Variants in MALRD1 observed in about 807,000 individuals in gnomAD.
MALRD1 encodes MAM and LDL-receptor class A domain-containing protein 1.
A neutral mutation model predicts 242.1 loss-of-function variants in MALRD1; 247 were observed. The observed-to-expected ratio is 1.02, with a 90% CI of 0.92 to 1.13. The LOEUF (loss-of-function observed/expected upper bound fraction) is 1.13, where lower values mean the gene tolerates loss of function less well. MALRD1 is among the 50% of genes most tolerant of loss of function. MALRD1 has a pLI of 0.00. For synonymous variants in MALRD1, 995 were observed against 866.6 expected, an observed-to-expected ratio of 1.15 and a Z score of -2.60; for missense variants, 2,989 against 2,533.1, an observed-to-expected ratio of 1.18 and a Z score of -3.86.
chr10:19,387,514 T>G lies in MALRD1; in HGVS notation c.4442-14T>G. The G allele has an allele frequency of 6.5e-7, 1 of 1,547,412 alleles. No individual in the cohort carries two copies. Among genetic ancestry groups the G allele is most frequent in the Non-Finnish European group, 8.7e-7 (1 of 1,145,620 alleles). On this transcript the variant is annotated splice_polypyrimidine_tract_variant and intron_variant, in intron 26 of 39. Coordinates refer to ENST00000454679, the MANE Select transcript of MALRD1 (RefSeq NM_001142308.3). Reference sequence around the variant, plus strand: ...AGTGTTCGCTCATTCTTGTTTTCTTTTGTTTTGTTTTAGGTTTCTGCCCAC... The same window carrying G: ...AGTGTTCGCTCATTCTTGTTTTCTTGTGTTTTGTTTTAGGTTTCTGCCCAC...
chr10:19,175,988 G>T lies in MALRD1; in HGVS notation c.1951+660G>T, dbSNP rs1190016428. 2.6e-5 allele frequency among the ~76,000 whole-genome samples: 4 copies of T among 152,126 alleles called. No individual in the cohort carries two copies. The East Asian group carries it at 7.7e-4, about 29-fold the overall frequency. ...TTCTGGGATCATGTACACATTGAAAGAATGTACACTATACCTTCAGTTACT... is the reference window on the plus strand; with the variant it reads ...TTCTGGGATCATGTACACATTGAAATAATGTACACTATACCTTCAGTTACT... On this transcript the variant is annotated intron_variant, in intron 14 of 39. Coordinates refer to ENST00000454679, the MANE Select transcript of MALRD1 (RefSeq NM_001142308.3).
chr10:19,586,824 C>G (rs1837436949), intron 33 of MALRD1, among the ~76,000 whole-genome samples: 1 of 152,240 alleles, frequency 6.6e-6, no homozygotes, highest in African/African-American at 2.4e-5. Context: ...CCTCCCCCAG[C>G]CTCGCTGCCG....
intron 21 of MALRD1, among the ~76,000 whole-genome samples, chr10:19,291,166 T>G (rs937527276): frequency 1.3e-5 from 2 of 152,174 alleles, no homozygotes; most frequent in African/African-American, 2.4e-5. Context: ...CTTTTTTTAG[T>G]ATAAAATTAT....
intron 31 of MALRD1, among the ~76,000 whole-genome samples, chr10:19,530,465 A>AAC (rs1375421718): frequency 1.1e-5 from 1 of 89,540 alleles, no homozygotes; most frequent in African/African-American, 4.3e-5. Flanking sequence ...ATATAATAAT[A>AAC]AATAATTATA....
intron 38 of MALRD1, among the ~76,000 whole-genome samples, chr10:19,715,473 T>C (rs569909147): frequency 8.5e-5 from 13 of 152,052 alleles, no homozygotes; most frequent in Admixed American, 7.9e-4. Context: ...GGTATCACAT[T>C]TGTTGAAGAA....
intron 13 of MALRD1, among the ~76,000 whole-genome samples, chr10:19,173,443 G>T (rs1036895541): frequency 1.3e-5 from 2 of 152,080 alleles, no homozygotes; most frequent in African/African-American, 4.8e-5. Context: ...ATACCTTTGA[G>T]TGTCTCTCTA....
At chr10:19,610,306 A>G (rs1317334314) in intron 35 of MALRD1, among the ~76,000 whole-genome samples, 1 of 151,908 alleles carries the variant, frequency 6.6e-6, no homozygotes, top group Non-Finnish European at 1.5e-5. Context: ...GTGCAGTAGA[A>G]CACCAAAACT....
intron 31 of MALRD1, among the ~76,000 whole-genome samples, chr10:19,499,409 A>G (rs1019477570): frequency 2.6e-5 from 4 of 151,792 alleles, no homozygotes; most frequent in African/African-American, 9.7e-5. Context: ...TGCCCTTCAT[A>G]ATGTGGCCTC....
chr10:19,716,112 T>C (rs1834374710), intron 38 of MALRD1, among the ~76,000 whole-genome samples: 1 of 152,254 alleles, frequency 6.6e-6, no homozygotes. Flanking sequence ...AGTGTGGGAT[T>C]CTTATGTCTA....
chr10:19,682,519 G>A (rs888187466), intron 36 of MALRD1, among the ~76,000 whole-genome samples: 3 of 152,116 alleles, frequency 2.0e-5, no homozygotes, highest in Admixed American at 6.6e-5. Flanking sequence ...AATGGAGCGG[G>A]ATGTTTATCT....
chr10:19,485,934 A>G (rs1837218752), intron 29 of MALRD1, among the ~76,000 whole-genome samples: 1 of 152,066 alleles, frequency 6.6e-6, no homozygotes, highest in Non-Finnish European at 1.5e-5. Flanking sequence ...TATTTTATAG[A>G]TATTAGTGAT....
intron 5 of MALRD1, among the ~76,000 whole-genome samples, chr10:19,105,816 G>T (rs1836442931): frequency 6.6e-6 from 1 of 151,676 alleles, no homozygotes; most frequent in African/African-American, 2.4e-5. Context: ...CTATTTATTG[G>T]TCATTTTTCT....
chr10:19,531,441 G>A (rs1834412634), intron 32 of MALRD1, 90 bp downstream of exon 32: 4 of 1,288,988 alleles, frequency 3.1e-6, no homozygotes, highest in Non-Finnish European at 4.2e-6. Flanking sequence ...TATTTTTGTT[G>A]GTCACACCGC....
intron 18 of MALRD1, among the ~76,000 whole-genome samples, chr10:19,233,957 CAT>C (rs1026032410): frequency 2.0e-5 from 3 of 151,640 alleles, no homozygotes; most frequent in Admixed American, 6.6e-5. Flanking sequence ...TTGATATATA[CAT>C]GTTATGCTTT....
chr10:19,055,889 G>T (rs1196085812), intron 1 of MALRD1, among the ~76,000 whole-genome samples: 1 of 152,238 alleles, frequency 6.6e-6, no homozygotes, highest in East Asian at 1.9e-4. Context: ...ACCACCTATT[G>T]CGTACTATTC....
intron 38 of MALRD1, among the ~76,000 whole-genome samples, chr10:19,717,707 G>A (rs1834453988): frequency 6.6e-6 from 1 of 152,088 alleles, no homozygotes; most frequent in South Asian, 2.1e-4. Flanking sequence ...CCATTTTTGG[G>A]TTGCTATAAA....
intron 36 of MALRD1, among the ~76,000 whole-genome samples, chr10:19,671,517 T>C (rs931074417): frequency 2.0e-5 from 3 of 151,546 alleles, no homozygotes; most frequent in Admixed American, 2.0e-4. Context: ...GCTCAGGAGG[T>C]TGAGGCAAGA....
intron 11 of MALRD1, 129 bp from the exon 12 acceptor site, chr10:19,154,946 T>A: frequency 2.3e-6 from 1 of 432,236 alleles, no homozygotes; most frequent in Non-Finnish European, 3.8e-6. Context: ...ACCATAATAG[T>A]AAACATGTAA....
intron 14 of MALRD1, among the ~76,000 whole-genome samples, chr10:19,188,377 T>G (rs1835827852): frequency 6.6e-6 from 1 of 152,206 alleles, no homozygotes; most frequent in East Asian, 1.9e-4. Flanking sequence ...AAGAATTTTC[T>G]TTTGATTGGA....
Sources: allele counts gnomAD v4.1 joint callset (sites outside exome capture counted in the v4.1 genomes callset), GRCh38; gene constraint gnomAD v4.1.1; transcripts MANE v1.5; gene names NCBI Gene and HGNC (gene_info 2026-07-23, HGNC 2026-07-21).